Variants in MCU observed in about 807,000 individuals in gnomAD.
MCU encodes the protein calcium uniporter protein, mitochondrial.
Under a neutral mutation model 45.2 loss-of-function variants are expected in MCU, and 12 were observed. The ratio of observed to expected loss-of-function variants is 0.27; its 90% CI spans 0.17 to 0.43. The LOEUF (loss-of-function observed/expected upper bound fraction) is 0.43. Ranked by LOEUF, MCU falls within the 20% of genes least tolerant of loss-of-function variation. The pLI is 1.00. For synonymous variants in MCU, 160 were observed against 165.1 expected (o/e 0.97, Z 0.24); for missense variants, 324 against 436.7 (o/e 0.74, Z 2.30).
chr10:72,735,603 A>C (rs969434689), intron 1 of MCU, among the ~76,000 whole-genome samples: 3 of 152,208 alleles, frequency 2.0e-5, no homozygotes, highest in African/African-American at 7.2e-5. Context: ...CATATTCAAG[A>C]GAGAAACCAG....
At chr10:72,733,720 T>G (rs1843212800) in intron 1 of MCU, among the ~76,000 whole-genome samples, 1 of 143,588 alleles carries the variant, frequency 7.0e-6, no homozygotes, top group South Asian at 2.1e-4. Context: ...TAAAGAACAT[T>G]TAGATAATCT....
chr10:72,749,774 T>G (rs1039800377), intron 1 of MCU, among the ~76,000 whole-genome samples: 4 of 152,056 alleles, frequency 2.6e-5, no homozygotes, highest in Non-Finnish European at 5.9e-5. Context: ...GCTACCTTCT[T>G]TTTTTTAAAT....
At chr10:72,802,087 A>C (rs1319966003) in intron 1 of MCU, among the ~76,000 whole-genome samples, 1 of 152,136 alleles carries the variant, frequency 6.6e-6, no homozygotes, top group East Asian at 1.9e-4. Context: ...GGAAACTTCC[A>C]CTATTGAGAG....
At chr10:72,756,753 C>G (rs1843581782) in intron 1 of MCU, 1 of 152,058 alleles carries the variant, frequency 6.6e-6, no homozygotes, top group Non-Finnish European at 1.5e-5. Context: ...ACGTTTTATG[C>G]CCCGCCCCCC....
chr10:72,875,784 G>A (rs2132892304), intron 6 of MCU, among the ~76,000 whole-genome samples: 1 of 152,298 alleles, frequency 6.6e-6, no homozygotes, highest in East Asian at 1.9e-4. Flanking sequence ...AGTAGAACCT[G>A]AGTACTGATT....
intron 1 of MCU, among the ~76,000 whole-genome samples, chr10:72,754,647 A>G (rs1275327034): frequency 2.6e-5 from 4 of 152,198 alleles, no homozygotes; most frequent in Non-Finnish European, 4.4e-5. Context: ...TTTGGGAGGC[A>G]GAGACAGGGT....
rs1362079300 is a variant in MCU, at chr10:72,705,777, A to G, written c.150+13476A>G. On this transcript the variant is annotated intron_variant, in intron 1 of 7. Coordinates refer to ENST00000373053, the MANE Select transcript of MCU (RefSeq NM_138357.3). Reference sequence around the variant, plus strand: ...GGTTGCAGTGAGCTGAGATTGAGCCATTGCACTCCAGCCTGGTCTGTAAGA... The same window carrying G: ...GGTTGCAGTGAGCTGAGATTGAGCCGTTGCACTCCAGCCTGGTCTGTAAGA... 2.6e-5 allele frequency among the ~76,000 whole-genome samples: 4 copies of G among 151,646 alleles called. No homozygotes were observed. The East Asian group carries it at 7.8e-4, about 29-fold the overall frequency.
intron 1 of MCU, among the ~76,000 whole-genome samples, chr10:72,730,333 G>A (rs1029946283): frequency 2.8e-5 from 4 of 142,030 alleles, no homozygotes; most frequent in African/African-American, 5.3e-5. Flanking sequence ...TTTTGAGACG[G>A]AGTCTCACTC....
At chr10:72,712,988 G>A (rs1163322920) in intron 1 of MCU, among the ~76,000 whole-genome samples, 1 of 152,114 alleles carries the variant, frequency 6.6e-6, no homozygotes, top group Admixed American at 6.5e-5. Context: ...AGGGACTGTC[G>A]CTACGGCAAG....
intron 1 of MCU, among the ~76,000 whole-genome samples, chr10:72,832,934 A>ATGTGTGTGTGTGTGTGTGTGTGTGTATG (rs1844900486): frequency 7.0e-6 from 1 of 143,760 alleles, no homozygotes; most frequent in Non-Finnish European, 1.5e-5. Flanking sequence ...ACCAATAGCT[A>ATGTGTGTGTGTGTGTGTGTGTGTGTATG]TGTGTGTGTG....
At chr10:72,781,006 T>C (rs555761005) in intron 1 of MCU, among the ~76,000 whole-genome samples, 1 of 152,324 alleles carries the variant, frequency 6.6e-6, no homozygotes, top group South Asian at 2.1e-4. Flanking sequence ...TTCATTTATT[T>C]GGGGGTATTT....
At chr10:72,847,769 G>T (rs564327951) in intron 2 of MCU, among the ~76,000 whole-genome samples, 2 of 152,262 alleles carry the variant, frequency 1.3e-5, no homozygotes, top group African/African-American at 4.8e-5. Flanking sequence ...GTCTTTTGAG[G>T]GTGCAGCCCC....
intron 1 of MCU, among the ~76,000 whole-genome samples, chr10:72,817,504 A>G (rs1844645566): frequency 6.6e-6 from 1 of 152,214 alleles, no homozygotes; most frequent in South Asian, 2.1e-4. Context: ...CTTGGGCATT[A>G]GAATTTTATT....
chr10:72,696,215 CAG>C (rs1438801229), intron 1 of MCU, among the ~76,000 whole-genome samples: 3 of 85,298 alleles, frequency 3.5e-5, no homozygotes, highest in South Asian at 4.1e-4. Context: ...TTGGTAGAGA[CAG>C]GGTATTTCTA....
chr10:72,886,580 C>A lies in MCU; in HGVS notation c.*758C>A, dbSNP rs1820621097. ...GTCTTTCACAGGAGGAATAATTGCCCTCCTTTATATACTTATCTATTGATA... is the reference window on the plus strand; with the variant it reads ...GTCTTTCACAGGAGGAATAATTGCCATCCTTTATATACTTATCTATTGATA... On this transcript the variant is annotated 3_prime_UTR_variant, in exon 8 of 8. Coordinates refer to ENST00000373053, the MANE Select transcript of MCU (RefSeq NM_138357.3). The A allele has an allele frequency of 6.6e-6, 1 of 152,196 alleles. No homozygotes were observed. The highest frequency in any genetic ancestry group is 6.5e-5 in the Admixed American group (1 of 15,270). 9.4% of individuals were successfully genotyped at this position (152,196 alleles called of 1,614,324 possible).
chr10:72,862,685 C>A (rs1450829227), intron 4 of MCU, among the ~76,000 whole-genome samples: 1 of 152,126 alleles, frequency 6.6e-6, no homozygotes. Context: ...CCTAACAGGC[C>A]ACTGACCAGT....
In MCU at chr10:72,832,934, A is replaced by ATGTGTGTGTG. The variant is rs6143982; in HGVS notation, c.151-1407_151-1398dup. Among the ~76,000 whole-genome samples, 143 of 143,870 alleles carry ATGTGTGTGTG rather than the reference A, an allele frequency of 9.9e-4. 1 individual carries two copies. Among genetic ancestry groups the ATGTGTGTGTG allele is most frequent in the African/African-American group, 2.7e-3 (107 of 39,470 alleles). 94.4% of individuals were successfully genotyped at this position (143,870 alleles called of 152,430 possible). A position where few individuals can be genotyped will look rare whatever the true frequency, so the allele number is the denominator to read the frequency against. The stretch of plus-strand genomic sequence containing the variant: ...ATACTGTTTTTTGAAACCAATAGCT[A>ATGTGTGTGTG]TGTGTGTGTGTGTGTGTGTGTGTGT... On this transcript the variant is annotated intron_variant, in intron 1 of 7. Transcript: ENST00000373053.
intron 1 of MCU, among the ~76,000 whole-genome samples, chr10:72,756,037 G>A (rs1036736596): frequency 3.3e-5 from 5 of 152,096 alleles, no homozygotes; most frequent in African/African-American, 1.2e-4. Flanking sequence ...GTTTTGTAGA[G>A]ACAAGGTCTC....
At chr10:72,771,935 C>T (rs1306874410) in intron 1 of MCU, among the ~76,000 whole-genome samples, 4 of 152,182 alleles carry the variant, frequency 2.6e-5, no homozygotes, top group African/African-American at 9.7e-5. Context: ...CCATTCTACC[C>T]AGGACAAATA....
Sources: gnomAD v4.1 joint callset for allele counts (sites outside exome capture counted in the v4.1 genomes callset) on GRCh38, gnomAD v4.1.1 for gene constraint, MANE v1.5 for transcripts, NCBI Gene and HGNC (gene_info 2026-07-23, HGNC 2026-07-21) for gene names.